Variants in WASHC3 observed in about 807,000 individuals in gnomAD.
The protein encoded by WASHC3 is WASH complex subunit CCDC53.
Under a neutral mutation model 26.1 loss-of-function variants are expected in WASHC3, and 24 were observed. The observed-to-expected ratio is 0.92, with a 90% CI of 0.66 to 1.29. WASHC3 has a LOEUF of 1.29. Ranked by LOEUF, WASHC3 falls within the 50% of genes most tolerant of loss-of-function variation. The pLI, the probability that WASHC3 is intolerant of heterozygous loss-of-function variation, is 0.00. For missense variants in WASHC3, 214 were observed against 229.6 expected (o/e 0.93, Z 0.44); for synonymous variants, 77 against 75.7 (o/e 1.02, Z -0.09).
chr12:102,036,758 C>T (rs1215890952), intron 5 of WASHC3, among the ~76,000 whole-genome samples: 1 of 152,074 alleles, frequency 6.6e-6, no homozygotes, highest in Non-Finnish European at 1.5e-5. Flanking sequence ...AATAGATATA[C>T]CCTCACCGAA....
intron 6 of WASHC3, among the ~76,000 whole-genome samples, chr12:102,024,042 G>A (rs369228610): frequency 1.7e-4 from 26 of 152,222 alleles, no homozygotes; most frequent in African/African-American, 5.1e-4. Context: ...TAAGATGAGG[G>A]AAGGGAGTTC....
upstream of WASHC3, chr12:102,062,091 A>T: frequency 1.4e-6 from 1 of 728,754 alleles, no homozygotes; most frequent in Non-Finnish European, 2.3e-6. Context: ...GCCGGAAGAA[A>T]GCTTCTCCGC....
intron 2 of WASHC3, among the ~76,000 whole-genome samples, chr12:102,060,814 G>A (rs1405016645): frequency 2.6e-5 from 4 of 151,784 alleles, no homozygotes; most frequent in Non-Finnish European, 5.9e-5. Context: ...AATTAGCCAG[G>A]CATGGTGGCG....
chr12:102,015,286 G>A lies in WASHC3; in HGVS notation c.501-2094C>T, dbSNP rs185107338. Among the ~76,000 whole-genome samples, 251 of 150,726 alleles carry A rather than the reference G, an allele frequency of 1.7e-3. 4 individuals carry two copies. The East Asian group carries it at 0.046, about 27-fold the overall frequency. ...AATCTGGGCAACAGAGTGAAACCCT[G>A]TCTCAAAAAAAAAAGGAAAAGGGTA... On this transcript the variant is annotated intron_variant, in intron 6 of 6. Coordinates refer to ENST00000240079, the MANE Select transcript of WASHC3 (RefSeq NM_016053.4).
chr12:102,014,783 T>C (rs530965400), intron 6 of WASHC3, among the ~76,000 whole-genome samples: 1 of 152,292 alleles, frequency 6.6e-6, no homozygotes, highest in East Asian at 1.9e-4. Context: ...TCCTCCCTTT[T>C]CATTAGAAGC....
At chr12:102,024,393 C>T (rs1006936245) in intron 6 of WASHC3, among the ~76,000 whole-genome samples, 9 of 152,014 alleles carry the variant, frequency 5.9e-5, no homozygotes, top group South Asian at 2.1e-4. Flanking sequence ...ACGATGAGGG[C>T]GTGAACTAAA....
chr12:102,032,479 T>A (rs1181886524), intron 5 of WASHC3, among the ~76,000 whole-genome samples: 1 of 152,172 alleles, frequency 6.6e-6, no homozygotes, highest in Non-Finnish European at 1.5e-5. Flanking sequence ...TGTAATTTAG[T>A]AAAGGCTTGT....
intron 5 of WASHC3, among the ~76,000 whole-genome samples, chr12:102,031,519 AC>A (rs1444909929): frequency 6.6e-6 from 1 of 152,206 alleles, no homozygotes; most frequent in African/African-American, 2.4e-5. Context: ...AAATATTTTT[AC>A]TTAAAATTTT....
At chr12:102,027,509 C>G (rs1006369956) in intron 5 of WASHC3, among the ~76,000 whole-genome samples, 2 of 152,088 alleles carry the variant, frequency 1.3e-5, no homozygotes, top group Non-Finnish European at 2.9e-5. Flanking sequence ...TATCTTGCAT[C>G]TCACAGATCT....
intron 5 of WASHC3, among the ~76,000 whole-genome samples, chr12:102,033,287 C>G (rs946744287): frequency 1.3e-5 from 2 of 152,058 alleles, no homozygotes; most frequent in Non-Finnish European, 2.9e-5. Context: ...ATGATCACAT[C>G]AGAAGTCTGC....
chr12:102,032,393 A>T (rs1217252452), intron 5 of WASHC3, among the ~76,000 whole-genome samples: 1 of 152,206 alleles, frequency 6.6e-6, no homozygotes, highest in Non-Finnish European at 1.5e-5. Flanking sequence ...ATTCACCATG[A>T]TCTGCCAGTA....
chr12:102,042,914 A>G (rs1023365465), intron 4 of WASHC3, among the ~76,000 whole-genome samples: 2 of 152,274 alleles, frequency 1.3e-5, no homozygotes, highest in Middle Eastern at 3.2e-3. Flanking sequence ...CTCAAACAAC[A>G]AAGAATTTTT....
chr12:102,048,956 C>G (rs921229512), intron 2 of WASHC3, among the ~76,000 whole-genome samples: 1 of 152,182 alleles, frequency 6.6e-6, no homozygotes, highest in African/African-American at 2.4e-5. Flanking sequence ...ATTGGTATAA[C>G]ATACCTGAAT....
Position 102,037,061 on chromosome 12 carries a change from G to A in WASHC3, c.435+2807C>T, listed in dbSNP as rs141894553. 6.7e-3 allele frequency among the ~76,000 whole-genome samples: 1,016 copies of A among 152,184 alleles called. 12 individuals carry two copies. The highest frequency in any genetic ancestry group is 0.023 in the African/African-American group (972 of 41,534). On this transcript the variant is annotated intron_variant, in intron 5 of 6. Coordinates refer to ENST00000240079, the MANE Select transcript of WASHC3 (RefSeq NM_016053.4). The stretch of plus-strand genomic sequence containing the variant: ...AGTTTTTTTCCAAAATACATATGCT[G>A]TATGTACCAAGTACCAACTCTAGAG...
chr12:102,040,531 A>G (rs1304622137), intron 4 of WASHC3: 1 of 152,084 alleles, frequency 6.6e-6, no homozygotes, highest in Non-Finnish European at 1.5e-5. Context: ...AGACAAAATT[A>G]TCTGGTTTTA....
At chr12:102,037,655 G>A (rs1877723458) in intron 5 of WASHC3, among the ~76,000 whole-genome samples, 1 of 152,154 alleles carries the variant, frequency 6.6e-6, no homozygotes, top group African/African-American at 2.4e-5. Flanking sequence ...AGATCATAAA[G>A]GTAACAGGGG....
intron 2 of WASHC3, among the ~76,000 whole-genome samples, chr12:102,049,684 G>C (rs1413532212): frequency 6.6e-6 from 1 of 152,180 alleles, no homozygotes; most frequent in East Asian, 1.9e-4. Context: ...CTCTAAAAGA[G>C]AAACAGTATT....
chr12:102,049,108 A>G (rs1326973175), intron 2 of WASHC3, among the ~76,000 whole-genome samples: 1 of 152,224 alleles, frequency 6.6e-6, no homozygotes, highest in Non-Finnish European at 1.5e-5. Flanking sequence ...AAGTTTTTCA[A>G]TGCTAGCTAT....
At chr12:102,053,300 A>G (rs1040606226) in intron 2 of WASHC3, among the ~76,000 whole-genome samples, 1 of 151,926 alleles carries the variant, frequency 6.6e-6, no homozygotes, top group African/African-American at 2.4e-5. Flanking sequence ...GCCCACCCCT[A>G]TAGAGCTAAT....
Sources: gnomAD v4.1 joint callset for allele counts (sites outside exome capture counted in the v4.1 genomes callset) on GRCh38, gnomAD v4.1.1 for gene constraint, MANE v1.5 for transcripts, NCBI Gene and HGNC (gene_info 2026-07-23, HGNC 2026-07-21) for gene names.